Variants in DDI2 observed in about 807,000 individuals in gnomAD.
The protein encoded by DDI2 is DDI proteasomal shuttling factor 2.
A neutral mutation model predicts 48.1 loss-of-function variants in DDI2; 5 were observed. That is an observed-to-expected ratio of 0.10 (90% CI 0.05 to 0.22). DDI2 has a LOEUF of 0.22. DDI2 is among the 10% of genes least tolerant of loss of function. The pLI, the probability that DDI2 is intolerant of heterozygous loss-of-function variation, is 1.00. For missense variants in DDI2, 285 were observed against 506.2 expected, an observed-to-expected ratio of 0.56 and a Z score of 4.19; for synonymous variants, 205 against 183.6, an observed-to-expected ratio of 1.12 and a Z score of -0.94.
At chr1:15,632,435 A>T (rs1639859973) in intron 3 of DDI2, among the ~76,000 whole-genome samples, 1 of 152,102 alleles carries the variant, frequency 6.6e-6, no homozygotes, top group South Asian at 2.1e-4. Context: ...TGGGAGGCTG[A>T]GGCAGGAGAA....
Position 15,661,158 on chromosome 1 carries a change from A to G in DDI2, c.*1368A>G, listed in dbSNP as rs200079396. ...TATCAGTGGAGACAGAAAAATTAACAGGTACTTCATCTGACACTGGAAGAG... is the reference window on the plus strand; with the variant it reads ...TATCAGTGGAGACAGAAAAATTAACGGGTACTTCATCTGACACTGGAAGAG... On this transcript the variant is annotated 3_prime_UTR_variant, in exon 10 of 10. Coordinates refer to ENST00000480945, the MANE Select transcript of DDI2 (RefSeq NM_032341.5). 1.5e-3 allele frequency: 2,471 copies of G among 1,614,092 alleles called. 46 individuals carry two copies. In the South Asian group the frequency reaches 0.026, roughly 17 times the overall value.
chr1:15,660,405 A>G lies in DDI2; in HGVS notation c.*615A>G. The G allele has an allele frequency of 6.2e-7, 1 of 1,614,004 alleles. No individual in the cohort carries two copies. The highest frequency in any genetic ancestry group is 8.5e-7 in the Non-Finnish European group (1 of 1,180,000). On this transcript the variant is annotated 3_prime_UTR_variant, in exon 10 of 10. Coordinates refer to ENST00000480945, the MANE Select transcript of DDI2 (RefSeq NM_032341.5). ...CAGGGAATGAACAGTATGAGGTTGC[A>G]CAACAAAAAGCTTCACATGACCAAG...
chr1:15,624,797 A>G (rs1344425432), intron 1 of DDI2, among the ~76,000 whole-genome samples: 2 of 152,024 alleles, frequency 1.3e-5, no homozygotes, highest in Non-Finnish European at 2.9e-5. Context: ...ATTTTTTCAC[A>G]AAAGAAAATT....
Position 15,660,320 on chromosome 1 carries a change from A to T in DDI2, c.*530A>T. Reference sequence around the variant, plus strand: ...CCACAGATGTTTCTAGGTGAAAAGGATTGGCATCCAGAAAATCAGAACCTG... The same window carrying T: ...CCACAGATGTTTCTAGGTGAAAAGGTTTGGCATCCAGAAAATCAGAACCTG... On this transcript the variant is annotated 3_prime_UTR_variant, in exon 10 of 10. Transcript: ENST00000480945. 6.2e-7 allele frequency: 1 copy of T among 1,614,158 alleles called. No individual in the cohort carries two copies. The highest frequency in any genetic ancestry group is 8.5e-7 in the Non-Finnish European group (1 of 1,180,034).
chr1:15,647,039 A>G (rs1053233737), intron 6 of DDI2, among the ~76,000 whole-genome samples: 2 of 152,260 alleles, frequency 1.3e-5, no homozygotes, highest in Admixed American at 6.5e-5. Flanking sequence ...GTGAAACAAC[A>G]TTTTCCCAAT....
chr1:15,656,540 C>G, intron 8 of DDI2, 77 bp from the exon 9 acceptor site: 3 of 1,611,708 alleles, frequency 1.9e-6, no homozygotes, highest in South Asian at 2.2e-5. Flanking sequence ...GGCAAAAGAA[C>G]GGAAACTATA....
rs922374934 is a variant in DDI2 at position 15,668,573 on chromosome 1, A to G, written c.*8783A>G. 1.3e-5 allele frequency: 2 copies of G among 152,198 alleles called. No homozygotes were observed. The highest frequency in any genetic ancestry group is 2.9e-5 in the Non-Finnish European group (2 of 68,024). 9.4% of individuals were successfully genotyped at this position (152,198 alleles called of 1,614,324 possible). ...AGGTTTGTTTACCAGTTTTGTAGCC[A>G]TGTTTGGCAAATCTTAGCAACTAGA... is the stretch of plus-strand genomic sequence containing the variant. On this transcript the variant is annotated 3_prime_UTR_variant, in exon 10 of 10. Coordinates refer to ENST00000480945, the MANE Select transcript of DDI2 (RefSeq NM_032341.5).
chr1:15,646,484 C>T (rs1029700117), intron 6 of DDI2, among the ~76,000 whole-genome samples: 1 of 152,090 alleles, frequency 6.6e-6, no homozygotes, highest in African/African-American at 2.4e-5. Flanking sequence ...GTCAGGAGTT[C>T]GAGACCAGCC....
intron 8 of DDI2, 53 bp downstream of exon 8, chr1:15,651,948 G>A: frequency 6.4e-7 from 1 of 1,555,686 alleles, no homozygotes; most frequent in South Asian, 1.2e-5. Context: ...GTAAGCCCGG[G>A]AAGTGTGGGC....
chr1:15,623,285 A>G lies in DDI2; in HGVS notation c.139-3384A>G, dbSNP rs367806923. Among the ~76,000 whole-genome samples, 56 of 151,834 alleles carry G rather than the reference A, an allele frequency of 3.7e-4. 1 individual carries two copies. The South Asian group carries it at 0.011, about 29-fold the overall frequency. On this transcript the variant is annotated intron_variant, in intron 1 of 9. Transcript: ENST00000480945. ...AGTACTTGTTAAAATCACCCAGCTA[A>G]TTCACCAGGCCACTTTAGGGTTATG...
intron 7 of DDI2, among the ~76,000 whole-genome samples, chr1:15,651,417 C>T (rs1259793298): frequency 6.6e-6 from 1 of 152,170 alleles, no homozygotes; most frequent in Non-Finnish European, 1.5e-5. Context: ...CTCGCAGGTT[C>T]AAGTGATTCT....
At chr1:15,624,674 T>G (rs928562461) in intron 1 of DDI2, among the ~76,000 whole-genome samples, 4 of 152,132 alleles carry the variant, frequency 2.6e-5, no homozygotes, top group African/African-American at 9.7e-5. Context: ...CTCACTATGT[T>G]GCCCAGGCTG....
rs769630721 is a variant in DDI2, at chr1:15,660,196, C to T, written c.*406C>T. 6.2e-7 allele frequency: 1 copy of T among 1,614,228 alleles called. No homozygotes were observed. The highest frequency in any genetic ancestry group is 1.7e-5 in the Admixed American group (1 of 60,036). On this transcript the variant is annotated 3_prime_UTR_variant, in exon 10 of 10. Transcript: ENST00000480945. ...CGAAGAAATAACTGTTGCAGGTAAT[C>T]TGGAGAAATCTGCTGAAAGAAGCAC...
At chr1:15,633,804 T>TC (rs1639884505) in intron 4 of DDI2, 1 of 525,344 alleles carries the variant, frequency 1.9e-6, no homozygotes, top group Non-Finnish European at 3.6e-6. Flanking sequence ...TAAGGAGGAC[T>TC]CCCTGACTAG....
In DDI2 at chr1:15,629,906, A is replaced by G. The variant is rs569727103; in HGVS notation, c.269-419A>G. On this transcript the variant is annotated intron_variant, in intron 2 of 9. Coordinates refer to ENST00000480945, the MANE Select transcript of DDI2 (RefSeq NM_032341.5). ...GCGACCACGCCCAGCTAATTTTTGT[A>G]TATTTAGTAGAGACAGAGTTTCACT... 4.0e-5 allele frequency among the ~76,000 whole-genome samples: 6 copies of G among 151,882 alleles called. No individual in the cohort carries two copies. The East Asian group carries it at 1.2e-3, about 30-fold the overall frequency.
In DDI2 at chr1:15,630,713, A is replaced by C; in HGVS notation, c.505+152A>C. ...TGAGAGGTAAATTAGTGCTAAAGTC[A>C]AAGGCTGAGTTACTTGGAAACAGCA... On this transcript the variant is annotated intron_variant, in intron 3 of 9. Coordinates refer to ENST00000480945, the MANE Select transcript of DDI2 (RefSeq NM_032341.5). 4.7e-6 allele frequency: 3 copies of C among 635,512 alleles called. No individual in the cohort carries two copies. The South Asian group carries it at 5.6e-5, about 12-fold the overall frequency. The allele number at this position is 635,512 out of a possible 1,614,324, so 39.4% of individuals were successfully genotyped here.
chr1:15,651,296 CTAT>C (rs1248077971), intron 7 of DDI2, among the ~76,000 whole-genome samples: 1 of 152,184 alleles, frequency 6.6e-6, no homozygotes, highest in Non-Finnish European at 1.5e-5. Context: ...GCACAACTGT[CTAT>C]TAAGTAGTTA....
At chr1:15,629,596 C>CAA (rs553217782) in intron 2 of DDI2, among the ~76,000 whole-genome samples, 13 of 114,810 alleles carry the variant, frequency 1.1e-4, no homozygotes, top group African/African-American at 2.3e-4. Context: ...GACTCCGTGT[C>CAA]AAAAAAAAAA....
In DDI2 at chr1:15,618,006, G is replaced by A. The variant is rs76280221; in HGVS notation, c.138+198G>A. On this transcript the variant is annotated intron_variant, in intron 1 of 9. Coordinates refer to ENST00000480945, the MANE Select transcript of DDI2 (RefSeq NM_032341.5). Reference sequence around the variant, plus strand: ...CCCTCACACACTCCGAGCATGGGGTGGGGTACGAGGAGAGGGAGCGGAGAA... The same window carrying A: ...CCCTCACACACTCCGAGCATGGGGTAGGGTACGAGGAGAGGGAGCGGAGAA... 6.4e-3 allele frequency among the ~76,000 whole-genome samples: 982 copies of A among 152,342 alleles called. 14 individuals carry two copies. Among genetic ancestry groups the A allele is most frequent in the African/African-American group, 0.023 (943 of 41,584 alleles).
Sources: allele counts gnomAD v4.1 joint callset (sites outside exome capture counted in the v4.1 genomes callset), GRCh38; gene constraint gnomAD v4.1.1; transcripts MANE v1.5; gene names NCBI Gene and HGNC (gene_info 2026-07-23, HGNC 2026-07-21).